TP53BP1: variants seen among roughly 807,000 people sequenced by gnomAD.
TP53BP1 encodes TP53-binding protein 1.
In TP53BP1, 61 loss-of-function variants were observed where a neutral mutation model predicts 200.8. The observed-to-expected ratio is 0.30, with a 90% CI of 0.25 to 0.38. The LOEUF (loss-of-function observed/expected upper bound fraction) is 0.38, where lower values mean the gene tolerates loss of function less well. Ranked by LOEUF, TP53BP1 falls within the 10% of genes least tolerant of loss-of-function variation. The probability of loss-of-function intolerance (pLI) is 1.00; values close to 1 mark genes in which losing one functional copy is unlikely to be tolerated. For synonymous variants in TP53BP1, 822 were observed against 844.3 expected (o/e 0.97, Z 0.46); for missense variants, 2,144 against 2,371.9 (o/e 0.90, Z 2.00).
intron 9 of TP53BP1, 66 bp downstream of exon 9, chr15:43,475,499 T>G: frequency 4.4e-6 from 7 of 1,573,540 alleles, no homozygotes; most frequent in Non-Finnish European, 5.2e-6. Flanking sequence ...TTTAGCCTCT[T>G]TCAGCCTTAG....
At chr15:43,438,758 A>AAAAAAC (rs2045859494) in intron 15 of TP53BP1, among the ~76,000 whole-genome samples, 1 of 132,732 alleles carries the variant, frequency 7.5e-6, no homozygotes, top group African/African-American at 2.8e-5. Flanking sequence ...AAAAAAAAAG[A>AAAAAAC]CTGGAGGGGT....
intron 10 of TP53BP1, among the ~76,000 whole-genome samples, 170 bp from the exon 11 acceptor site, chr15:43,470,236 C>T (rs1183823973): frequency 6.6e-6 from 1 of 152,200 alleles, no homozygotes; most frequent in East Asian, 1.9e-4. Flanking sequence ...TAGCAATCTA[C>T]CAATACTTCC....
rs137908327 is a variant in TP53BP1 at position 43,504,809 on chromosome 15, C to G, written c.-9+5561G>C. Among the ~76,000 whole-genome samples, 11 of 152,182 alleles carry G rather than the reference C, an allele frequency of 7.2e-5. No individual in the cohort carries two copies. In the East Asian group the frequency reaches 2.1e-3, roughly 29 times the overall value. On this transcript the variant is annotated intron_variant, in intron 1 of 27. Coordinates refer to the TP53BP1 transcript ENST00000263801. ...CCGAGGCGGAGAGATCACCTGAGGT[C>G]AGGAGTTCAAGACCAGCCTGGCCAA...
chr15:43,453,021 C>G (rs990332577), intron 12 of TP53BP1, among the ~76,000 whole-genome samples: 2 of 151,692 alleles, frequency 1.3e-5, no homozygotes, highest in African/African-American at 4.8e-5. Flanking sequence ...GGTGAAACCC[C>G]GTCTCTACTA....
chr15:43,413,428 T>G, intron 23 of TP53BP1, 94 bp from the exon 24 acceptor site: 1 of 995,380 alleles, frequency 1.0e-6, no homozygotes, highest in Non-Finnish European at 1.5e-6. Context: ...AAGCATGACC[T>G]GATGGGCAGG....
At position 43,477,604 on chromosome 15, in the gene TP53BP1, C is replaced by A. The variant is rs781280241; in HGVS notation, c.944G>T (p.Ser315Ile). Residue 315 changes from serine (S) to isoleucine (I), a missense_variant, in exon 8 of 28, where the codon AGC (serine) becomes ATC (isoleucine). By Grantham distance (142) the Ser-to-Ile change is moderately radical. Coordinates refer to ENST00000382044, the MANE Select transcript of TP53BP1 (RefSeq NM_001141980.3). ...LSTQEDLFDQSNKTVSSDGCS... is the reference protein window; with the variant it reads ...LSTQEDLFDQINKTVSSDGCS... ...ATCACTCTTGGTACCTGTTTTATTG[C>A]TCTGGTCAAACAAGTCTTCCTGAGT... The A allele has an allele frequency of 6.2e-7, 1 of 1,609,824 alleles. No individual in the cohort carries two copies. Among genetic ancestry groups the A allele is most frequent in the Non-Finnish European group, 8.5e-7 (1 of 1,178,706 alleles).
Position 43,433,954 on chromosome 15 carries a change from C to T in TP53BP1, c.3192-1277G>A, listed in dbSNP as rs45459497. Among the ~76,000 whole-genome samples, 3 of 152,284 alleles carry T rather than the reference C, an allele frequency of 2.0e-5. No individual in the cohort carries two copies. The East Asian group carries it at 5.8e-4, about 29-fold the overall frequency. ...AGCAGGAAGTGCTCTTCAGGGATTGCTCTGCTCTAGATCTTGAAGGAAAAG... is the reference window on the plus strand; with the variant it reads ...AGCAGGAAGTGCTCTTCAGGGATTGTTCTGCTCTAGATCTTGAAGGAAAAG... On this transcript the variant is annotated intron_variant, in intron 16 of 27. Coordinates refer to ENST00000382044, the MANE Select transcript of TP53BP1 (RefSeq NM_001141980.3).
chr15:43,469,331 A>T (rs1275812568), intron 11 of TP53BP1, among the ~76,000 whole-genome samples: 1 of 152,234 alleles, frequency 6.6e-6, no homozygotes, highest in Non-Finnish European at 1.5e-5. Flanking sequence ...TACTTAGAGA[A>T]ATAATACATG....
intron 4 of TP53BP1, among the ~76,000 whole-genome samples, chr15:43,487,220 AC>A (rs2079058391): frequency 1.3e-5 from 2 of 152,144 alleles, no homozygotes; most frequent in Admixed American, 1.3e-4. Context: ...AAAAATCCTC[AC>A]CATCATTAGC....
intron 4 of TP53BP1, among the ~76,000 whole-genome samples, chr15:43,482,228 C>CAAA (rs1566962627): frequency 6.6e-6 from 1 of 151,260 alleles, no homozygotes; most frequent in Non-Finnish European, 1.5e-5. Flanking sequence ...GACTCCACCT[C>CAAA]AAAAAACAAC....
At chr15:43,447,101 T>C (rs936082387) in intron 13 of TP53BP1, 1 of 463,592 alleles carries the variant, frequency 2.2e-6, no homozygotes, top group African/African-American at 2.0e-5. Flanking sequence ...GCACTCAGAT[T>C]CTACTGCCTT....
At chr15:43,443,392 A>G (rs907395645) in intron 14 of TP53BP1, among the ~76,000 whole-genome samples, 1 of 152,190 alleles carries the variant, frequency 6.6e-6, no homozygotes, top group African/African-American at 2.4e-5. Context: ...TAGGACAGAC[A>G]CTTCAAAAAC....
chr15:43,449,550 G>A (rs2046120309), intron 12 of TP53BP1, among the ~76,000 whole-genome samples: 1 of 152,132 alleles, frequency 6.6e-6, no homozygotes, highest in African/African-American at 2.4e-5. Context: ...ATAACCTAAT[G>A]GAAAATTCAG....
At chr15:43,501,769 A>C (rs754275018) in intron 1 of TP53BP1, among the ~76,000 whole-genome samples, 5 of 152,238 alleles carry the variant, frequency 3.3e-5, no homozygotes, top group Non-Finnish European at 7.3e-5. Context: ...ATGTTGCTGC[A>C]TGCATCAGTA....
chr15:43,421,776 T>C (rs1412849974), intron 19 of TP53BP1, 79 bp downstream of exon 19: 1 of 1,536,378 alleles, frequency 6.5e-7, no homozygotes, highest in East Asian at 2.3e-5. Context: ...TTCCCATTAC[T>C]CCCCTTTTCC....
intron 21 of TP53BP1, among the ~76,000 whole-genome samples, chr15:43,419,200 A>C (rs1309779107): frequency 6.6e-6 from 1 of 152,200 alleles, no homozygotes; most frequent in African/African-American, 2.4e-5. Context: ...AGCCTGGGAA[A>C]CAGAGTGAGT....
rs371288841 is a variant in TP53BP1, at chr15:43,439,820, T to A, written c.3099-1404A>T. Among the ~76,000 whole-genome samples, 3 of 152,248 alleles carry A rather than the reference T, an allele frequency of 2.0e-5. No individual in the cohort carries two copies. The East Asian group carries it at 5.8e-4, about 29-fold the overall frequency. The stretch of plus-strand genomic sequence containing the variant: ...TTCTAGAAGCTTCAGCAACATACTC[T>A]GTTCCCTCTGAATATGCACAAGTAC... On this transcript the variant is annotated intron_variant, in intron 15 of 27. Coordinates refer to ENST00000382044, the MANE Select transcript of TP53BP1 (RefSeq NM_001141980.3).
At chr15:43,421,401 A>T (rs2045393708) in intron 19 of TP53BP1, among the ~76,000 whole-genome samples, 1 of 152,134 alleles carries the variant, frequency 6.6e-6, no homozygotes, top group Non-Finnish European at 1.5e-5. Flanking sequence ...CCCTCTGACA[A>T]AGCTTCCTAC....
upstream of TP53BP1, among the ~76,000 whole-genome samples, chr15:43,493,907 A>C (rs1005205128): frequency 1.5e-4 from 23 of 152,152 alleles, no homozygotes; most frequent in African/African-American, 4.8e-4. Context: ...TCATTCTCAA[A>C]CTCCATGGTA....
Sources: gnomAD v4.1 joint callset for allele counts (sites outside exome capture counted in the v4.1 genomes callset) on GRCh38, gnomAD v4.1.1 for gene constraint, MANE v1.5 for transcripts, NCBI Gene and HGNC (gene_info 2026-07-23, HGNC 2026-07-21) for gene names.